LRRC4B: variants seen among roughly 807,000 people sequenced by gnomAD.
The protein encoded by LRRC4B is leucine rich repeat containing 4B.
Under a neutral mutation model 7.3 loss-of-function variants are expected in LRRC4B, and 1 was observed. The observed-to-expected ratio is 0.14, with a 90% CI of 0.05 to 0.65. LRRC4B has a LOEUF of 0.65. Ranked by LOEUF, LRRC4B falls within the 30% of genes least tolerant of loss-of-function variation. The pLI is 0.84. For synonymous variants in LRRC4B, 500 were observed against 499.2 expected (o/e 1.00, Z -0.02); for missense variants, 730 against 1,041.6 (o/e 0.70, Z 4.12).
At chr19:50,535,987 C>T (rs1486019984) in intron 2 of LRRC4B, among the ~76,000 whole-genome samples, 1 of 152,220 alleles carries the variant, frequency 6.6e-6, no homozygotes, top group East Asian at 1.9e-4. Context: ...AAGGCACCTG[C>T]GGGTGGGGTG....
intron 2 of LRRC4B, among the ~76,000 whole-genome samples, chr19:50,525,580 A>AT (rs36006616): frequency 0.11 from 13,109 of 124,678 alleles, 809 homozygotes; most frequent in African/African-American, 0.17. Flanking sequence ...TAATTTTTGT[A>AT]TTTTTTTTTT....
intron 1 of LRRC4B, among the ~76,000 whole-genome samples, chr19:50,549,300 G>A (rs1544765): frequency 0.29 from 44,044 of 152,104 alleles, 6,708 homozygotes; most frequent in Admixed American, 0.39. Context: ...AAACGGGGAA[G>A]AGCAAGCGAG....
chr19:50,526,053 C>T lies in LRRC4B; in HGVS notation c.298-6638G>A, dbSNP rs1004274390. On this transcript the variant is annotated intron_variant, in intron 2 of 2. Coordinates refer to ENST00000652263, the MANE Select transcript of LRRC4B (RefSeq NM_001080457.2). ...AAATAAAATAGAAGTCTGTTTATAC[C>T]CACAGATCCCCTGTCCCTCCCCTGG... Among the ~76,000 whole-genome samples, 22 of 152,098 alleles carry T rather than the reference C, an allele frequency of 1.4e-4. 1 individual carries two copies. Among genetic ancestry groups the T allele is most frequent in the Non-Finnish European group, 1.5e-5 (1 of 68,028 alleles).
chr19:50,533,927 G>A (rs1368502218), intron 2 of LRRC4B, among the ~76,000 whole-genome samples: 1 of 152,184 alleles, frequency 6.6e-6, no homozygotes, highest in Non-Finnish European at 1.5e-5. Flanking sequence ...CCTGAGCACA[G>A]ACATGGGAGT....
At chr19:50,533,127 C>T (rs1358551868) in intron 2 of LRRC4B, among the ~76,000 whole-genome samples, 1 of 152,126 alleles carries the variant, frequency 6.6e-6, no homozygotes, top group East Asian at 1.9e-4. Flanking sequence ...AGTCTGAAAT[C>T]CTTGTCTTTT....
rs778898422 is a variant in LRRC4B, at chr19:50,518,570, G to T, written c.1143C>A (p.Ala381=). Reference sequence around the variant, plus strand: ...AGGTGCCCGTGCGGCATTTGAGCTCGGCAGCCATGCCCTCGGTGACGTTGA... The same window carrying T: ...AGGTGCCCGTGCGGCATTTGAGCTCTGCAGCCATGCCCTCGGTGACGTTGA... The part of the protein sequence containing the change: ...TDLNVTEGMA[A]ELKCRTGTSM... Residue 381 remains alanine (A), a synonymous_variant, in exon 3 of 3, where the codon GCC becomes GCA. Coordinates refer to ENST00000652263, the MANE Select transcript of LRRC4B (RefSeq NM_001080457.2). 6.3e-7 allele frequency: 1 copy of T among 1,591,470 alleles called. No homozygotes were observed. Among genetic ancestry groups the T allele is most frequent in the Non-Finnish European group, 8.6e-7 (1 of 1,166,386 alleles).
chr19:50,558,805 G>A (rs1485604410), intron 1 of LRRC4B, among the ~76,000 whole-genome samples: 17 of 152,246 alleles, frequency 1.1e-4, no homozygotes. Context: ...CTGAAGTGCC[G>A]CTCCGTCTGC....
At position 50,517,257 on chromosome 19, in the gene LRRC4B, C is replaced by T; in HGVS notation, c.*314G>A. 4.2e-6 allele frequency: 1 copy of T among 235,468 alleles called. No individual in the cohort carries two copies. The highest frequency in any genetic ancestry group is 8.3e-6 in the Non-Finnish European group (1 of 121,036). The allele number at this position is 235,468 out of a possible 1,614,324, so 14.6% of individuals were successfully genotyped here. On this transcript the variant is annotated 3_prime_UTR_variant, in exon 3 of 3. Transcript: ENST00000652263. This position sits in a 1 kb window ranked among gnomAD's most constrained non-coding sequence, Gnocchi z 6.6. ...TCTCTCCCCTGGAAGGCGGCGGGCC[C>T]GGAACGCTTGGTGGGAGAGCGAGGA...
At chr19:50,561,432 T>C (rs942019634) in intron 1 of LRRC4B, among the ~76,000 whole-genome samples, 1 of 152,006 alleles carries the variant, frequency 6.6e-6, no homozygotes, top group African/African-American at 2.4e-5. Flanking sequence ...GCAGCTTCAA[T>C]GCCTTCAAAA....
chr19:50,547,727 G>C (rs1981875710), intron 2 of LRRC4B, among the ~76,000 whole-genome samples: 1 of 150,802 alleles, frequency 6.6e-6, no homozygotes, highest in Admixed American at 6.7e-5. Context: ...GCCAAAGGAT[G>C]ATAGGGCAGG....
Position 50,517,766 on chromosome 19 carries a change from G to T in LRRC4B, c.1947C>A (p.His649Gln). 6.6e-7 allele frequency: 1 copy of T among 1,521,744 alleles called. No homozygotes were observed. Among genetic ancestry groups the T allele is most frequent in the Non-Finnish European group, 8.8e-7 (1 of 1,139,014 alleles). The allele number at this position is 1,521,744 out of a possible 1,614,324, so 94.3% of individuals were successfully genotyped here. The stretch of plus-strand genomic sequence containing the variant: ...CTCGCTCCAGGGCGGGCAGGGCCAG[G>T]TGGCTGTCCCCGCCCACACCACCCC... ...ASGGGVGGDS[H>Q]LALPALERDH... Residue 649 changes from histidine (H) to glutamine (Q), a missense_variant, in exon 3 of 3, where the codon CAC (histidine) becomes CAA (glutamine). Coordinates refer to ENST00000652263, the MANE Select transcript of LRRC4B (RefSeq NM_001080457.2). The surrounding 1 kb of genome is among the most constrained non-coding windows in gnomAD (Gnocchi z 6.6).
intron 2 of LRRC4B, among the ~76,000 whole-genome samples, chr19:50,531,397 C>T (rs1981054388): frequency 6.6e-6 from 1 of 152,336 alleles, no homozygotes; most frequent in African/African-American, 2.4e-5. Context: ...CACAGGCGGA[C>T]AGCCTGAGGC....
chr19:50,545,619 A>T (rs1276045906), intron 2 of LRRC4B, among the ~76,000 whole-genome samples: 1 of 152,080 alleles, frequency 6.6e-6, no homozygotes, highest in African/African-American at 2.4e-5. Flanking sequence ...GGAAAGAGCC[A>T]GGAAGGCATT....
Position 50,563,972 on chromosome 19 carries a change from TGAA to T in LRRC4B, c.-36+3969_-36+3971del, listed in dbSNP as rs1982549530. On this transcript the variant is annotated intron_variant, in intron 1 of 2. Coordinates refer to ENST00000652263, the MANE Select transcript of LRRC4B (RefSeq NM_001080457.2). This position sits in a 1 kb window ranked among gnomAD's most constrained non-coding sequence, Gnocchi z 4.9. ...GAGTTAGGGCAAACTGATGGGGGGA[TGAA>T]GGAGGAGGGGCAGAGAGAGGACCCG... Among the ~76,000 whole-genome samples the T allele has an allele frequency of 1.3e-5, 2 of 151,126 alleles. No homozygotes were observed. Among genetic ancestry groups the T allele is most frequent in the Admixed American group, 6.6e-5 (1 of 15,178 alleles).
At chr19:50,536,322 T>C (rs971774776) in intron 2 of LRRC4B, among the ~76,000 whole-genome samples, 1 of 152,086 alleles carries the variant, frequency 6.6e-6, no homozygotes, top group Admixed American at 6.5e-5. Context: ...TTAGTAGAGA[T>C]GGGGTTTCAC....
At chr19:50,554,946 T>TG (rs1445095773) in intron 1 of LRRC4B, among the ~76,000 whole-genome samples, 7 of 152,260 alleles carry the variant, frequency 4.6e-5, no homozygotes, top group Middle Eastern at 3.4e-3. Flanking sequence ...TGCCTGTGTG[T>TG]GGGGGGCAGG....
intron 1 of LRRC4B, among the ~76,000 whole-genome samples, chr19:50,565,990 C>T (rs879847959): frequency 3.3e-5 from 5 of 152,288 alleles, no homozygotes; most frequent in South Asian, 2.1e-4. Context: ...TCTCTCTCCC[C>T]GCCTTTCGGC....
intron 2 of LRRC4B, among the ~76,000 whole-genome samples, chr19:50,526,609 G>A (rs1028258057): frequency 1.3e-5 from 2 of 152,212 alleles, no homozygotes; most frequent in East Asian, 1.9e-4. Flanking sequence ...TTGGGAGGCC[G>A]AGGCAGGCAG....
intron 1 of LRRC4B, chr19:50,557,488 G>A (rs972063563): frequency 6.6e-6 from 1 of 152,240 alleles, no homozygotes; most frequent in Non-Finnish European, 1.5e-5. Flanking sequence ...TGTGGCAAGG[G>A]GGCCCAAGTA....
Sources: gnomAD v4.1 joint callset for allele counts (sites outside exome capture counted in the v4.1 genomes callset) on GRCh38, gnomAD v4.1.1 for gene constraint, Gnocchi (gnomAD v3.1) non-coding constraint, MANE v1.5 for transcripts, NCBI Gene and HGNC (gene_info 2026-07-23, HGNC 2026-07-21) for gene names.